Variants in SNRNP70 observed in about 807,000 individuals in gnomAD.
SNRNP70 encodes the protein small nuclear ribonucleoprotein U1 subunit 70.
SNRNP70 carries 8 observed loss-of-function variants against 50.5 expected under a neutral mutation model. That is an observed-to-expected ratio of 0.16 (90% confidence interval 0.09 to 0.29). The LOEUF (loss-of-function observed/expected upper bound fraction) is 0.29. Among genes scored for constraint, SNRNP70 ranks in the 10% least tolerant of loss-of-function variants. SNRNP70 has a pLI of 1.00. For synonymous variants in SNRNP70, 320 were observed against 252.9 expected, an observed-to-expected ratio of 1.27 and a Z score of -2.52; for missense variants, 529 against 663.5, an observed-to-expected ratio of 0.80 and a Z score of 2.23.
intron 6 of SNRNP70, among the ~76,000 whole-genome samples, chr19:49,100,396 C>A (rs1383408125): frequency 6.6e-6 from 1 of 152,188 alleles, no homozygotes; most frequent in Admixed American, 6.5e-5. Context: ...ACCTCCACCC[C>A]ACCCCATCTC....
intron 7 of SNRNP70, chr19:49,102,164 T>A: frequency 7.8e-7 from 1 of 1,289,396 alleles, no homozygotes; most frequent in Non-Finnish European, 1.0e-6. Flanking sequence ...TTACAACACC[T>A]CAGTGTATGG....
chr19:49,096,364 G>A (rs1400091885), intron 4 of SNRNP70, among the ~76,000 whole-genome samples: 2 of 152,048 alleles, frequency 1.3e-5, no homozygotes, highest in Non-Finnish European at 2.9e-5. Flanking sequence ...GCCTGGCAAG[G>A]AACTTGAGGA....
Position 49,107,135 on chromosome 19 carries a change from G to A in SNRNP70, c.578-490G>A, listed in dbSNP as rs2040680626. Reference sequence around the variant, plus strand: ...AGGAAGGTGAGCGTGGGGACACTGGGAAAGGCCTGGGACACGCAGCCAAGA... The same window carrying A: ...AGGAAGGTGAGCGTGGGGACACTGGAAAAGGCCTGGGACACGCAGCCAAGA... On this transcript the variant is annotated intron_variant, in intron 8 of 9. Coordinates refer to ENST00000598441, the MANE Select transcript of SNRNP70 (RefSeq NM_003089.6). This position sits in a 1 kb window ranked among gnomAD's most constrained non-coding sequence, Gnocchi z 6.0. Among the ~76,000 whole-genome samples, 1 of 152,190 alleles carries A rather than the reference G, an allele frequency of 6.6e-6. No homozygotes were observed. Among genetic ancestry groups the A allele is most frequent in the South Asian group, 2.1e-4 (1 of 4,830 alleles).
intron 4 of SNRNP70, among the ~76,000 whole-genome samples, chr19:49,093,678 CA>C (rs1270724114): frequency 6.4e-4 from 41 of 64,170 alleles, no homozygotes; most frequent in East Asian, 2.5e-3. Flanking sequence ...GATTCCATCT[CA>C]AAAAAAAAAA....
chr19:49,107,997 C>T lies in SNRNP70; in HGVS notation c.868C>T (p.Arg290Trp). 3.2e-6 allele frequency: 5 copies of T among 1,547,670 alleles called. No individual in the cohort carries two copies. Among genetic ancestry groups the T allele is most frequent in the African/African-American group, 1.4e-5 (1 of 73,128 alleles). Residue 290 changes from arginine (R) to tryptophan (W), a missense_variant, in exon 10 of 10, where the codon CGG (arginine) becomes TGG (tryptophan). Physicochemically the swap from Arg to Trp is moderately radical, Grantham distance 101. Coordinates refer to ENST00000598441, the MANE Select transcript of SNRNP70 (RefSeq NM_003089.6). This position sits in a 1 kb window ranked among gnomAD's most constrained non-coding sequence, Gnocchi z 6.0. ...CAAGGACAAGGACCGGGACCGGAAG[C>T]GGCGAAGCAGCCGGAGTCGGGAGCG... ...RSKDKDRDRK[R>W]RSSRSRERAR...
chr19:49,087,373 ATGT>A (rs1304742492), intron 2 of SNRNP70, among the ~76,000 whole-genome samples: 1 of 152,066 alleles, frequency 6.6e-6, no homozygotes, highest in African/African-American at 2.4e-5. Context: ...CACCCTTATA[ATGT>A]TGGTGGAGAA....
intron 8 of SNRNP70, among the ~76,000 whole-genome samples, chr19:49,106,686 C>T (rs1178027250): frequency 6.6e-6 from 1 of 152,192 alleles, no homozygotes; most frequent in Non-Finnish European, 1.5e-5. Context: ...AGTGACAGCC[C>T]AGTTCTGCAC....
chr19:49,093,688 AAAAAC>A (rs1233810604), intron 4 of SNRNP70, among the ~76,000 whole-genome samples: 1 of 142,358 alleles, frequency 7.0e-6, no homozygotes. Context: ...CAAAAAAAAA[AAAAAC>A]AAAAAAAAAA....
At chr19:49,098,968 G>A (rs1396495296) in intron 6 of SNRNP70, among the ~76,000 whole-genome samples, 2 of 152,226 alleles carry the variant, frequency 1.3e-5, no homozygotes, top group African/African-American at 4.8e-5. Context: ...AGGCAGGTCT[G>A]TTTGTTTACA....
At chr19:49,093,857 C>CA (rs555653613) in intron 4 of SNRNP70, among the ~76,000 whole-genome samples, 1 of 150,308 alleles carries the variant, frequency 6.7e-6, no homozygotes, top group Non-Finnish European at 1.5e-5. Context: ...AAAACAAAAA[C>CA]AAAAACAAAA....
Position 49,106,342 on chromosome 19 carries a change from C to T in SNRNP70, c.578-1283C>T, listed in dbSNP as rs527716595. ...CAATAACATCTTGACTCGGTGCACC[C>T]GCAGAAATACTGTAACCTAAAGTTT... On this transcript the variant is annotated intron_variant, in intron 8 of 9. Transcript: ENST00000598441. Among the ~76,000 whole-genome samples the T allele has an allele frequency of 4.6e-5, 7 of 152,302 alleles. No individual in the cohort carries two copies. In the East Asian group the frequency reaches 5.8e-4, roughly 13 times the overall value.
chr19:49,107,547 C>T lies in SNRNP70; in HGVS notation c.578-78C>T. On this transcript the variant is annotated intron_variant, in intron 8 of 9. Transcript: ENST00000598441. The surrounding 1 kb of genome is among the most constrained non-coding windows in gnomAD (Gnocchi z 6.0). Reference sequence around the variant, plus strand: ...AGGGGCTGCCTTCCTGCCCTTTGCTCTTGGAGTCGGCTCATTTCTGCTCCT... The same window carrying T: ...AGGGGCTGCCTTCCTGCCCTTTGCTTTTGGAGTCGGCTCATTTCTGCTCCT... 7.1e-7 allele frequency: 1 copy of T among 1,406,628 alleles called. No individual in the cohort carries two copies. The highest frequency in any genetic ancestry group is 1.0e-6 in the Non-Finnish European group (1 of 995,488). 87.1% of individuals were successfully genotyped at this position (1,406,628 alleles called of 1,614,324 possible). A position where few individuals can be genotyped will look rare whatever the true frequency, so the allele number is the denominator to read the frequency against.
At position 49,108,245 on chromosome 19, in the gene SNRNP70, T is replaced by TGACCGTGACCGC. The variant is rs1394071800; in HGVS notation, c.1119_1130dup (p.Asp373_Arg376dup). The TGACCGTGACCGC allele has an allele frequency of 1.9e-6, 3 of 1,543,212 alleles. No individual in the cohort carries two copies. The highest frequency in any genetic ancestry group is 2.0e-5 in the Admixed American group (1 of 49,472). ...GGCGCCGGGACCGGGATCGTGACCG[T>TGACCGTGACCGC]GACCGTGACCGCGAGCACAAACGGG... On this transcript the variant is annotated inframe_insertion, in exon 10 of 10. Transcript: ENST00000598441.
chr19:49,090,060 G>T (rs1194410591), intron 2 of SNRNP70, among the ~76,000 whole-genome samples: 2 of 152,008 alleles, frequency 1.3e-5, no homozygotes. Flanking sequence ...TTCTCCCTGT[G>T]TCATCATCCC....
At chr19:49,099,382 TC>T (rs2040552624) in intron 6 of SNRNP70, among the ~76,000 whole-genome samples, 1 of 151,944 alleles carries the variant, frequency 6.6e-6, no homozygotes, top group African/African-American at 2.4e-5. Context: ...ACCCAGGAGT[TC>T]GAGACCTGCC....
At chr19:49,086,191 C>A (rs919445215) in intron 1 of SNRNP70, among the ~76,000 whole-genome samples, 1 of 152,188 alleles carries the variant, frequency 6.6e-6, no homozygotes, top group Non-Finnish European at 1.5e-5. Context: ...CCTTTTCCAG[C>A]CGTTATTTTT....
At chr19:49,090,256 C>T in intron 2 of SNRNP70, 35 bp from the exon 3 acceptor site, 1 of 1,596,718 alleles carries the variant, frequency 6.3e-7, no homozygotes, top group Non-Finnish European at 8.6e-7. Flanking sequence ...TTCCCCCAGT[C>T]CTTCCCACCC....
At chr19:49,101,032 C>CT (rs1215025840) in intron 6 of SNRNP70, among the ~76,000 whole-genome samples, 3 of 152,158 alleles carry the variant, frequency 2.0e-5, no homozygotes, top group Admixed American at 1.3e-4. Context: ...TCCTGGGACT[C>CT]TCTGTCATCA....
chr19:49,095,900 ATTAC>A (rs765260794), intron 4 of SNRNP70, among the ~76,000 whole-genome samples: 5 of 151,040 alleles, frequency 3.3e-5, no homozygotes, highest in South Asian at 2.1e-4. Flanking sequence ...ATGCTTAAGA[ATTAC>A]TTACTTACAA....
Sources: allele counts gnomAD v4.1 joint callset (sites outside exome capture counted in the v4.1 genomes callset), GRCh38; gene constraint gnomAD v4.1.1; non-coding constraint Gnocchi (gnomAD v3.1); transcripts MANE v1.5; gene names NCBI Gene and HGNC (gene_info 2026-07-23, HGNC 2026-07-21).